SH3BP2: variants seen among roughly 807,000 people sequenced by gnomAD.
The protein encoded by SH3BP2 is SH3 domain-binding protein 2.
Under a neutral mutation model 56.2 loss-of-function variants are expected in SH3BP2, and 38 were observed. The ratio of observed to expected loss-of-function variants is 0.68; its 90% CI spans 0.52 to 0.89. SH3BP2 has a LOEUF of 0.89. Ranked by LOEUF, SH3BP2 falls within the 40% of genes least tolerant of loss-of-function variation. The pLI is 0.00. For missense variants in SH3BP2, 748 were observed against 762.6 expected (o/e 0.98, Z 0.23); for synonymous variants, 346 against 316.7 (o/e 1.09, Z -0.98).
intron 1 of SH3BP2, among the ~76,000 whole-genome samples, chr4:2,806,456 CAGTGTTTGTGAAG>C (rs1206101153): frequency 1.3e-5 from 2 of 152,214 alleles, no homozygotes; most frequent in African/African-American, 4.8e-5. Context: ...AGAAACTCGT[CAGTGTTTGTGAAG>C]AACTGAAGTG....
In SH3BP2 at chr4:2,838,386, A is replaced by G. The variant is rs1406812007; in HGVS notation, c.*4552A>G. On this transcript the variant is annotated 3_prime_UTR_variant, in exon 13 of 13. Coordinates refer to ENST00000503393, the MANE Select transcript of SH3BP2 (RefSeq NM_001122681.2). Reference sequence around the variant, plus strand: ...TTTCTGTGCTTTATCCCCTTGAATCATACAGATGCAAATTCTGGCAGCTGG... The same window carrying G: ...TTTCTGTGCTTTATCCCCTTGAATCGTACAGATGCAAATTCTGGCAGCTGG... 1 of 152,238 alleles carries G rather than the reference A, an allele frequency of 6.6e-6. No individual in the cohort carries two copies. The highest frequency in any genetic ancestry group is 1.5e-5 in the Non-Finnish European group (1 of 68,056). The allele number at this position is 152,238 out of a possible 1,614,324, so 9.4% of individuals were successfully genotyped here.
In SH3BP2 at chr4:2,796,249, C is replaced by T. The variant is rs1469685483; in HGVS notation, c.-5+3111C>T. ...GACTACACTCATCCTTCAAGGGTGA[C>T]GCGAGAGAAGCACGTGCCCAGGTTC... On this transcript the variant is annotated intron_variant, in intron 1 of 12. Transcript: ENST00000503393. 2.7e-5 allele frequency: 5 copies of T among 183,210 alleles called. No homozygotes were observed. In the East Asian group the frequency reaches 5.7e-4, roughly 21 times the overall value. 11.3% of individuals were successfully genotyped at this position (183,210 alleles called of 1,614,324 possible). A position where few individuals can be genotyped will look rare whatever the true frequency, so the allele number is the denominator to read the frequency against.
intron 1 of SH3BP2, 22 bp from the exon 2 acceptor site, chr4:2,820,592 G>C (rs770529314): frequency 8.1e-6 from 13 of 1,614,072 alleles, no homozygotes; most frequent in Non-Finnish European, 8.5e-7. Context: ...GCTGAGCCAC[G>C]TGCCTTTGTC....
chr4:2,813,055 C>G (rs1723833099), intron 1 of SH3BP2, among the ~76,000 whole-genome samples: 1 of 152,234 alleles, frequency 6.6e-6, no homozygotes, highest in African/African-American at 2.4e-5. Context: ...CAGTGCTTCT[C>G]TGGCATAGCT....
chr4:2,823,032 T>C lies in SH3BP2; in HGVS notation c.234T>C (p.Tyr78=). The C allele has an allele frequency of 6.2e-7, 1 of 1,612,648 alleles. No individual in the cohort carries two copies. Among genetic ancestry groups the C allele is most frequent in the East Asian group, 2.2e-5 (1 of 44,878 alleles). The change falls in exon 3 of 13, where the codon TAT becomes TAC. Residue 78 remains tyrosine, a synonymous_variant. Transcript: ENST00000503393. The stretch of plus-strand genomic sequence containing the variant: ...AGGGCGCCTTCTCCCTGAGTGGCTA[T>C]AACCGGTAAGTGCCCGACCTGCCTG... ...SPQGAFSLSG[Y]NRVMRAAEET...
chr4:2,796,318 C>A, intron 1 of SH3BP2: 1 of 717,872 alleles, frequency 1.4e-6, no homozygotes, highest in Non-Finnish European at 1.7e-6. Context: ...CGAGGTGGTG[C>A]AGGCTCCCAG....
intron 1 of SH3BP2, among the ~76,000 whole-genome samples, chr4:2,797,095 G>A (rs1487612795): frequency 6.6e-6 from 1 of 152,192 alleles, no homozygotes; most frequent in East Asian, 1.9e-4. Context: ...CCTCGATCCA[G>A]GGGTGTTGTA....
rs529580767 is a variant in SH3BP2, at chr4:2,830,410, G to A, written c.1241+263G>A. Among the ~76,000 whole-genome samples, 5 of 152,298 alleles carry A rather than the reference G, an allele frequency of 3.3e-5. No individual in the cohort carries two copies. The South Asian group carries it at 8.3e-4, about 25-fold the overall frequency. ...AGGGTCTCACGCTGGCAACCAAGCT[G>A]GAGTGCAGTGGTGCGATCTCAGCTC... On this transcript the variant is annotated intron_variant, in intron 8 of 12. Coordinates refer to ENST00000503393, the MANE Select transcript of SH3BP2 (RefSeq NM_001122681.2).
chr4:2,798,070 G>A (rs533598743), intron 1 of SH3BP2, among the ~76,000 whole-genome samples: 1 of 152,176 alleles, frequency 6.6e-6, no homozygotes, highest in African/African-American at 2.4e-5. Flanking sequence ...TTCCCCCTGC[G>A]GGCTGCGCTG....
rs1177550253 is a variant in SH3BP2, at chr4:2,837,295, TG to T, written c.*3464del. The T allele has an allele frequency of 1.3e-5, 2 of 152,276 alleles. No homozygotes were observed. Among genetic ancestry groups the T allele is most frequent in the African/African-American group, 4.8e-5 (2 of 41,466 alleles). The allele number at this position is 152,276 out of a possible 1,614,324, so 9.4% of individuals were successfully genotyped here. The stretch of plus-strand genomic sequence containing the variant: ...CCGCCCACCTTGGCCTCCCAAGTGC[TG>T]GGATTACAGGCGCGAGCCACGGCGC... On this transcript the variant is annotated 3_prime_UTR_variant, in exon 13 of 13. Transcript: ENST00000503393.
At chr4:2,807,082 T>G (rs564677613) in intron 1 of SH3BP2, among the ~76,000 whole-genome samples, 4 of 152,378 alleles carry the variant, frequency 2.6e-5, no homozygotes, top group African/African-American at 9.6e-5. Flanking sequence ...CCGAACACAC[T>G]GCGTCTTCTG....
intron 11 of SH3BP2, 28 bp downstream of exon 11, chr4:2,832,440 G>A (rs754341433): frequency 5.1e-6 from 8 of 1,572,036 alleles, no homozygotes; most frequent in Non-Finnish European, 7.0e-6. Flanking sequence ...ATGCCCCAGG[G>A]CCCCTCTGGC....
intron 1 of SH3BP2, among the ~76,000 whole-genome samples, chr4:2,809,301 G>T (rs1458094209): frequency 1.3e-5 from 2 of 148,802 alleles, no homozygotes; most frequent in African/African-American, 2.5e-5. Context: ...TTCTCCCAGG[G>T]TTAGTGCCCT....
rs372064343 is a variant in SH3BP2 at position 2,802,287 on chromosome 4, A to G, written c.-5+9149A>G. Among the ~76,000 whole-genome samples the G allele has an allele frequency of 7.2e-5, 11 of 152,046 alleles. No homozygotes were observed. The East Asian group carries it at 7.7e-4, about 11-fold the overall frequency. ...TGGTATGACCTGTAATCCCAGCTAT[A>G]GGAGGCTGAGGCAGGAGAAGTGCTT... On this transcript the variant is annotated intron_variant, in intron 1 of 12. Coordinates refer to ENST00000503393, the MANE Select transcript of SH3BP2 (RefSeq NM_001122681.2).
At position 2,825,622 on chromosome 4, in the gene SH3BP2, T is replaced by C. The variant is rs112001684; in HGVS notation, c.428+426T>C. The stretch of plus-strand genomic sequence containing the variant: ...CACACACACAGAGCATGCACAGGTG[T>C]GCATGCATCTCTCTGCTCCTGTCTA... On this transcript the variant is annotated intron_variant, in intron 5 of 12. Transcript: ENST00000503393. 8.7e-3 allele frequency among the ~76,000 whole-genome samples: 1,327 copies of C among 151,942 alleles called. 14 individuals are homozygous for C. The highest frequency in any genetic ancestry group is 0.03 in the African/African-American group (1,255 of 41,388).
chr4:2,806,901 C>G (rs556299298), intron 1 of SH3BP2, among the ~76,000 whole-genome samples: 1 of 152,386 alleles, frequency 6.6e-6, no homozygotes, highest in African/African-American at 2.4e-5. Flanking sequence ...CAAGCATCCA[C>G]CAACAGCTTG....
At chr4:2,802,258 G>A (rs572431449) in intron 1 of SH3BP2, among the ~76,000 whole-genome samples, 2 of 152,212 alleles carry the variant, frequency 1.3e-5, no homozygotes, top group South Asian at 4.1e-4. Context: ...TTAGCTGGGT[G>A]TGGTGGTATG....
rs543443506 is a variant in SH3BP2, at chr4:2,803,766, A to G, written c.-5+10628A>G. On this transcript the variant is annotated intron_variant, in intron 1 of 12. Transcript: ENST00000503393. ...CACAAGCTATGCTCTGTCTGACTCT[A>G]TGTAATCCCATGCTTGGCTAACTCA... 1.7e-4 allele frequency among the ~76,000 whole-genome samples: 26 copies of G among 152,236 alleles called. No homozygotes were observed. The East Asian group carries it at 3.1e-3, about 18-fold the overall frequency.
chr4:2,799,816 G>A (rs779013980), intron 1 of SH3BP2, among the ~76,000 whole-genome samples: 2 of 152,230 alleles, frequency 1.3e-5, no homozygotes, highest in Non-Finnish European at 2.9e-5. Context: ...GCCTCCTTGA[G>A]GGGGAGCAGG....
Sources: gnomAD v4.1 joint callset for allele counts (sites outside exome capture counted in the v4.1 genomes callset) on GRCh38, gnomAD v4.1.1 for gene constraint, MANE v1.5 for transcripts, NCBI Gene and HGNC (gene_info 2026-07-23, HGNC 2026-07-21) for gene names.